Variants in ENOX1 observed in about 807,000 individuals in gnomAD.
The protein encoded by ENOX1 is ecto-NOX disulfide-thiol exchanger 1.
Under a neutral mutation model 82.5 loss-of-function variants are expected in ENOX1, and 42 were observed. That is an observed-to-expected ratio of 0.51 (90% CI 0.40 to 0.66). The LOEUF (loss-of-function observed/expected upper bound fraction) is 0.66, where lower values mean the gene tolerates loss of function less well. Among genes scored for constraint, ENOX1 ranks in the 30% least tolerant of loss-of-function variants. The pLI, the probability that ENOX1 is intolerant of heterozygous loss-of-function variation, is 0.00. For synonymous variants in ENOX1, 271 were observed against 282.2 expected (o/e 0.96, Z 0.40); for missense variants, 608 against 811.6 (o/e 0.75, Z 3.05).
At chr13:43,714,486 G>A (rs1189486554) in intron 1 of ENOX1, among the ~76,000 whole-genome samples, 5 of 152,038 alleles carry the variant, frequency 3.3e-5, no homozygotes, top group Non-Finnish European at 5.9e-5. Context: ...TTTCTGTCTC[G>A]TTGATCTGTC....
chr13:43,455,860 G>A (rs539990186), intron 3 of ENOX1, among the ~76,000 whole-genome samples: 1 of 152,086 alleles, frequency 6.6e-6, no homozygotes, highest in East Asian at 1.9e-4. Flanking sequence ...CCTGTAAGAT[G>A]TGACTTTGTT....
chr13:43,335,129 G>C (rs1200663152), intron 9 of ENOX1, among the ~76,000 whole-genome samples: 2 of 152,194 alleles, frequency 1.3e-5, no homozygotes, highest in African/African-American at 4.8e-5. Flanking sequence ...GAAAGGAACA[G>C]ATAGCAATTA....
chr13:43,651,741 G>A (rs959631200), intron 2 of ENOX1, among the ~76,000 whole-genome samples: 11 of 146,118 alleles, frequency 7.5e-5, no homozygotes, highest in Non-Finnish European at 1.4e-4. Flanking sequence ...GGGAGGCCAC[G>A]GTGGGCAGAT....
At chr13:43,527,170 C>T (rs2078023577) in intron 2 of ENOX1, among the ~76,000 whole-genome samples, 1 of 151,540 alleles carries the variant, frequency 6.6e-6, no homozygotes, top group African/African-American at 2.4e-5. Context: ...ACAGAACCTC[C>T]CTCAACCTCA....
At chr13:43,649,161 A>G (rs2084034648) in intron 2 of ENOX1, among the ~76,000 whole-genome samples, 1 of 152,226 alleles carries the variant, frequency 6.6e-6, no homozygotes, top group Admixed American at 6.5e-5. Flanking sequence ...GTCTTGCTCT[A>G]ATATCTATGG....
intron 3 of ENOX1, among the ~76,000 whole-genome samples, chr13:43,475,609 C>T (rs1211955393): frequency 1.3e-5 from 2 of 151,888 alleles, no homozygotes; most frequent in Non-Finnish European, 2.9e-5. Flanking sequence ...GTGGTGAGAT[C>T]ATTTACAGCC....
chr13:43,269,921 C>T (rs904166853), intron 12 of ENOX1, among the ~76,000 whole-genome samples: 4 of 152,198 alleles, frequency 2.6e-5, no homozygotes, highest in South Asian at 2.1e-4. Context: ...ACTTGTCCAA[C>T]GTTGCTTCAT....
intron 1 of ENOX1, among the ~76,000 whole-genome samples, chr13:43,726,803 G>A (rs925495228): frequency 2.0e-5 from 3 of 152,054 alleles, no homozygotes; most frequent in African/African-American, 7.2e-5. Context: ...GTTCAGTGGT[G>A]TGATCTCAGC....
chr13:43,727,828 C>T (rs891577969), intron 1 of ENOX1, among the ~76,000 whole-genome samples: 26 of 152,106 alleles, frequency 1.7e-4, no homozygotes, highest in African/African-American at 6.0e-4. Flanking sequence ...TATGCATTTG[C>T]TTATTGATAC....
intron 5 of ENOX1, among the ~76,000 whole-genome samples, chr13:43,376,916 G>C (rs1366777589): frequency 6.6e-6 from 1 of 152,108 alleles, no homozygotes; most frequent in East Asian, 1.9e-4. Flanking sequence ...ACCTTGCTTG[G>C]CTGGCCTGCC....
intron 2 of ENOX1, among the ~76,000 whole-genome samples, chr13:43,488,194 T>C (rs556526203): frequency 5.8e-4 from 88 of 152,340 alleles, no homozygotes; most frequent in African/African-American, 2.0e-3. Context: ...GCCAATGTGA[T>C]AGTGTGAAGA....
chr13:43,452,759 G>C (rs893737272), intron 3 of ENOX1, among the ~76,000 whole-genome samples: 2 of 152,174 alleles, frequency 1.3e-5, no homozygotes, highest in African/African-American at 2.4e-5. Context: ...CTGACCTCAA[G>C]TGATCCGCCT....
intron 2 of ENOX1, among the ~76,000 whole-genome samples, chr13:43,504,081 C>T (rs2077068200): frequency 6.6e-6 from 1 of 151,588 alleles, no homozygotes; most frequent in Non-Finnish European, 1.5e-5. Context: ...TATATGAAAA[C>T]ATACTCAACA....
chr13:43,219,290 G>A (rs1414569563), intron 16 of ENOX1, among the ~76,000 whole-genome samples: 3 of 152,182 alleles, frequency 2.0e-5, no homozygotes, highest in African/African-American at 7.2e-5. Flanking sequence ...ATGAGGAGAT[G>A]ATTGCAATAC....
At chr13:43,785,405 T>G (rs1183597417) in intron 1 of ENOX1, among the ~76,000 whole-genome samples, 3 of 152,160 alleles carry the variant, frequency 2.0e-5, no homozygotes, top group African/African-American at 7.2e-5. Flanking sequence ...CACGCTTCAT[T>G]GCTTTCTCCA....
At chr13:43,546,215 T>C (rs1214239083) in intron 2 of ENOX1, 1 of 152,160 alleles carries the variant, frequency 6.6e-6, no homozygotes, top group African/African-American at 2.4e-5. Context: ...TGGTTAAACA[T>C]GGATAGAGAC....
At chr13:43,403,157 G>C (rs2053592389) in intron 5 of ENOX1, among the ~76,000 whole-genome samples, 1 of 152,094 alleles carries the variant, frequency 6.6e-6, no homozygotes. Flanking sequence ...AAAGGCTAAT[G>C]AGTGGTACAT....
At chr13:43,492,298 A>G (rs1566369036) in intron 2 of ENOX1, among the ~76,000 whole-genome samples, 2 of 152,164 alleles carry the variant, frequency 1.3e-5, no homozygotes, top group African/African-American at 2.4e-5. Flanking sequence ...AGATGACTAC[A>G]GGCCTGGCCA....
intron 3 of ENOX1, among the ~76,000 whole-genome samples, chr13:43,467,989 T>G (rs1371030540): frequency 6.6e-6 from 1 of 152,116 alleles, no homozygotes; most frequent in East Asian, 1.9e-4. Flanking sequence ...ATAAGGTTTA[T>G]TCATGGATTC....
Sources: gnomAD v4.1 joint callset for allele counts (sites outside exome capture counted in the v4.1 genomes callset) on GRCh38, gnomAD v4.1.1 for gene constraint, MANE v1.5 for transcripts, NCBI Gene and HGNC (gene_info 2026-07-23, HGNC 2026-07-21) for gene names.